Variants in ESRRG observed in about 807,000 individuals in gnomAD.
ESRRG encodes estrogen related receptor gamma, also known as estrogen-related receptor gamma.
A neutral mutation model predicts 44.0 loss-of-function variants in ESRRG; 13 were observed. That is an observed-to-expected ratio of 0.30 (90% CI 0.19 to 0.47). The LOEUF is 0.47. Among genes scored for constraint, ESRRG ranks in the 20% least tolerant of loss-of-function variants. ESRRG has a pLI of 1.00. For synonymous variants in ESRRG, 215 were observed against 214.6 expected (o/e 1.00, Z -0.02); for missense variants, 395 against 580.6 (o/e 0.68, Z 3.29).
intron 2 of ESRRG, among the ~76,000 whole-genome samples, chr1:216,742,777 C>T (rs2090914364): frequency 6.6e-6 from 1 of 152,022 alleles, no homozygotes; most frequent in African/African-American, 2.4e-5. Flanking sequence ...TTTGTTTACA[C>T]ACCAAAAGTA....
intron 1 of ESRRG, among the ~76,000 whole-genome samples, chr1:216,964,197 T>C (rs2069746230): frequency 6.6e-6 from 1 of 152,138 alleles, no homozygotes; most frequent in African/African-American, 2.4e-5. Flanking sequence ...GATTTTGGTC[T>C]TTATCCTCAG....
chr1:216,857,667 G>A (rs907847393), intron 2 of ESRRG, among the ~76,000 whole-genome samples: 2 of 150,610 alleles, frequency 1.3e-5, no homozygotes, highest in East Asian at 3.9e-4. Context: ...AGAGTCACAG[G>A]GCATTCTGAA....
intron 3 of ESRRG, among the ~76,000 whole-genome samples, chr1:216,578,045 G>T (rs909918981): frequency 6.6e-6 from 1 of 151,982 alleles, no homozygotes; most frequent in African/African-American, 2.4e-5. Flanking sequence ...CATGATGTTT[G>T]ATAATATTTC....
At chr1:216,903,191 C>G (rs2059284429) in intron 2 of ESRRG, among the ~76,000 whole-genome samples, 1 of 152,148 alleles carries the variant, frequency 6.6e-6, no homozygotes, top group African/African-American at 2.4e-5. Flanking sequence ...TACCATCTAG[C>G]ATAGACTGCC....
chr1:216,991,978 C>A (rs185213888), intron 1 of ESRRG, among the ~76,000 whole-genome samples: 10 of 152,324 alleles, frequency 6.6e-5, no homozygotes, highest in Admixed American at 1.3e-4. Flanking sequence ...GATTTTTCAT[C>A]CCTAACCTTT....
At chr1:216,818,264 T>C (rs12563692) in intron 2 of ESRRG, among the ~76,000 whole-genome samples, 26,991 of 152,250 alleles carry the variant, frequency 0.18, 3,083 homozygotes, top group South Asian at 0.3. Context: ...GGATTGATAC[T>C]ATAATATAAT....
intron 2 of ESRRG, among the ~76,000 whole-genome samples, chr1:216,839,978 C>T (rs11117692): frequency 0.034 from 5,139 of 152,200 alleles, 302 homozygotes; most frequent in African/African-American, 0.11. Context: ...AAATGGTAAA[C>T]GAGCAATGAC....
intron 3 of ESRRG, among the ~76,000 whole-genome samples, chr1:216,629,774 G>T (rs2063802011): frequency 6.6e-6 from 1 of 152,152 alleles, no homozygotes; most frequent in Non-Finnish European, 1.5e-5. Context: ...AGAATTTGAT[G>T]ATTTTGTTTT....
At chr1:217,026,356 C>A (rs1579692957) in intron 1 of ESRRG, among the ~76,000 whole-genome samples, 1 of 152,160 alleles carries the variant, frequency 6.6e-6, no homozygotes, top group Non-Finnish European at 1.5e-5. Context: ...GAATCAGAAC[C>A]AAATCAGTCA....
intron 2 of ESRRG, among the ~76,000 whole-genome samples, chr1:216,843,529 A>T (rs2095687746): frequency 6.6e-6 from 1 of 152,180 alleles, no homozygotes; most frequent in Non-Finnish European, 1.5e-5. Context: ...TCACAAAAAG[A>T]GCTTCTGGTT....
At chr1:217,091,607 G>A (rs2092346883), upstream of ESRRG, among the ~76,000 whole-genome samples, 1 of 152,180 alleles carries the variant, frequency 6.6e-6, no homozygotes, top group Non-Finnish European at 1.5e-5. Context: ...CCAAAACTTG[G>A]CCTATGTCTC....
Position 216,519,138 on chromosome 1 carries a change from G to A in ESRRG, c.1132+14C>T. ...TTAAAAAAAATGTAACAATGACTAT[G>A]TCAGTATGCCAACCTGAATTAGCAA... On this transcript the variant is annotated intron_variant, in intron 6 of 6. Coordinates refer to ENST00000408911, the MANE Select transcript of ESRRG (RefSeq NM_001438.4). 1 of 1,609,276 alleles carries A rather than the reference G, an allele frequency of 6.2e-7. No homozygotes were observed. The highest frequency in any genetic ancestry group is 8.5e-7 in the Non-Finnish European group (1 of 1,176,894).
intron 1 of ESRRG, among the ~76,000 whole-genome samples, chr1:216,719,986 C>T (rs527607387): frequency 3.1e-4 from 47 of 152,138 alleles, no homozygotes; most frequent in African/African-American, 1.1e-3. Context: ...TAGGGTAATA[C>T]ATAAATACCC....
chr1:216,815,002 T>A (rs570252634), intron 2 of ESRRG, among the ~76,000 whole-genome samples: 2 of 152,284 alleles, frequency 1.3e-5, no homozygotes, highest in African/African-American at 4.8e-5. Context: ...TTTTCTTAAA[T>A]CCTCCCCTCA....
At position 216,532,613 on chromosome 1, in the gene ESRRG, G is replaced by A. The variant is rs1038288298; in HGVS notation, c.863-13192C>T. On this transcript the variant is annotated intron_variant, in intron 5 of 6. Transcript: ENST00000408911. ...AAGTGTTTTACAGGCAGTGACACTC[G>A]GTGTGTGAGTAAGAATGACAGCAGA... 5.9e-5 allele frequency among the ~76,000 whole-genome samples: 9 copies of A among 152,228 alleles called. No homozygotes were observed. In the South Asian group the frequency reaches 1.2e-3, roughly 21 times the overall value.
chr1:217,038,813 C>T (rs2083356323), intron 1 of ESRRG, among the ~76,000 whole-genome samples: 1 of 152,198 alleles, frequency 6.6e-6, no homozygotes, highest in Non-Finnish European at 1.5e-5. Context: ...TAAGTTTCTC[C>T]CCCAGAAAAT....
At chr1:216,582,468 G>A (rs1002682262) in intron 3 of ESRRG, among the ~76,000 whole-genome samples, 4 of 152,060 alleles carry the variant, frequency 2.6e-5, no homozygotes, top group African/African-American at 9.7e-5. Flanking sequence ...TTGAGACAGA[G>A]TCTTGCTCTG....
chr1:216,742,419 A>G (rs960277329), intron 2 of ESRRG, among the ~76,000 whole-genome samples: 2 of 152,154 alleles, frequency 1.3e-5, no homozygotes, highest in Non-Finnish European at 2.9e-5. Flanking sequence ...GAATAATGGA[A>G]TCATGTTTCT....
At chr1:216,699,839 C>T (rs1291994231) in intron 1 of ESRRG, among the ~76,000 whole-genome samples, 1 of 152,154 alleles carries the variant, frequency 6.6e-6, no homozygotes, top group African/African-American at 2.4e-5. Context: ...ACTTATTGTA[C>T]AAACACAGCA....
Sources: allele counts gnomAD v4.1 joint callset (sites outside exome capture counted in the v4.1 genomes callset), GRCh38; gene constraint gnomAD v4.1.1; transcripts MANE v1.5; gene names NCBI Gene and HGNC (gene_info 2026-07-23, HGNC 2026-07-21).